UNC13C: variants seen among roughly 807,000 people sequenced by gnomAD.
The protein encoded by UNC13C is unc-13 homolog C.
Under a neutral mutation model 245.4 loss-of-function variants are expected in UNC13C, and 174 were observed. That is an observed-to-expected ratio of 0.71 (90% CI 0.63 to 0.80). UNC13C has a LOEUF of 0.80. UNC13C is among the 30% of genes least tolerant of loss of function. UNC13C has a pLI of 0.00. For synonymous variants in UNC13C, 992 were observed against 895.1 expected (o/e 1.11, Z -1.93); for missense variants, 2,829 against 2,602.9 (o/e 1.09, Z -1.89).
chr15:54,428,198 T>C (rs1479586906), intron 19 of UNC13C, among the ~76,000 whole-genome samples: 1 of 151,808 alleles, frequency 6.6e-6, no homozygotes, highest in Non-Finnish European at 1.5e-5. Flanking sequence ...TGTTTCTTTG[T>C]TTTGATCTGA....
chr15:54,170,662 C>T (rs546493687), intron 4 of UNC13C, among the ~76,000 whole-genome samples: 21 of 151,950 alleles, frequency 1.4e-4, no homozygotes, highest in Non-Finnish European at 2.6e-4. Flanking sequence ...ACATCCTGTA[C>T]TTTAAGCTAT....
chr15:54,515,530 G>C (rs1294037466), intron 24 of UNC13C, among the ~76,000 whole-genome samples: 1 of 151,966 alleles, frequency 6.6e-6, no homozygotes. Flanking sequence ...AATATATACA[G>C]GTATATGAAA....
the UNC13C span, among the ~76,000 whole-genome samples, chr15:53,892,735 G>C: frequency 6.6e-6 from 1 of 152,040 alleles, no homozygotes; most frequent in African/African-American, 2.4e-5. Flanking sequence ...GGTCATTTAT[G>C]TTCTCTAAAC....
chr15:54,392,091 GT>G (rs541173960), intron 17 of UNC13C, among the ~76,000 whole-genome samples: 4 of 151,996 alleles, frequency 2.6e-5, no homozygotes, highest in Admixed American at 6.6e-5. Context: ...CTTGTAAAGG[GT>G]TTAGCAAAAC....
At chr15:53,967,330 TG>T in the UNC13C span, among the ~76,000 whole-genome samples, 41 of 52,538 alleles carry the variant, frequency 7.8e-4, no homozygotes, top group African/African-American at 1.9e-3. Context: ...ATTTTTTTTT[TG>T]TTGTTTTGTT....
chr15:54,166,801 C>T (rs72746100), intron 4 of UNC13C, among the ~76,000 whole-genome samples: 6,880 of 152,014 alleles, frequency 0.045, 190 homozygotes, highest in Middle Eastern at 0.099. Flanking sequence ...GTTCTGCAGC[C>T]TAAAAAACAG....
intron 2 of UNC13C, among the ~76,000 whole-genome samples, chr15:54,139,313 C>T (rs1449897373): frequency 6.6e-6 from 1 of 152,000 alleles, no homozygotes; most frequent in East Asian, 1.9e-4. Flanking sequence ...GTCCACCCTG[C>T]TCTAGTATGG....
chr15:54,339,558 G>C (rs555887239), intron 17 of UNC13C, among the ~76,000 whole-genome samples: 15 of 151,922 alleles, frequency 9.9e-5, no homozygotes, highest in Non-Finnish European at 1.6e-4. Context: ...TAGAATAATA[G>C]TCTTCAGTTC....
At chr15:54,251,168 C>A (rs1480864479) in intron 8 of UNC13C, among the ~76,000 whole-genome samples, 2 of 152,154 alleles carry the variant, frequency 1.3e-5, no homozygotes, top group Non-Finnish European at 2.9e-5. Flanking sequence ...TTTACAGCAA[C>A]TGGAATTCTT....
At chr15:54,327,741 G>C (rs192913996) in intron 14 of UNC13C, among the ~76,000 whole-genome samples, 1 of 152,028 alleles carries the variant, frequency 6.6e-6, no homozygotes, top group South Asian at 2.1e-4. Context: ...TTTTGAGTCT[G>C]TAATTTTTTC....
intron 28 of UNC13C, among the ~76,000 whole-genome samples, chr15:54,554,601 A>G (rs1897018221): frequency 2.0e-5 from 3 of 152,060 alleles, no homozygotes; most frequent in Admixed American, 2.0e-4. Flanking sequence ...TCCCTGTATT[A>G]AACAATATAT....
chr15:53,988,451 A>G (rs985071834), intron 1 of UNC13C, among the ~76,000 whole-genome samples: 2 of 151,936 alleles, frequency 1.3e-5, no homozygotes, highest in Admixed American at 6.6e-5. Context: ...TTTGTTATTT[A>G]AGAAGCCTTT....
chr15:54,069,650 C>T (rs571118536), intron 2 of UNC13C, among the ~76,000 whole-genome samples: 2 of 152,138 alleles, frequency 1.3e-5, no homozygotes, highest in South Asian at 2.1e-4. Context: ...AGAGGTACTT[C>T]GATTGCTTAA....
chr15:54,391,383 C>T (rs2039953336), intron 17 of UNC13C, among the ~76,000 whole-genome samples: 1 of 151,892 alleles, frequency 6.6e-6, no homozygotes, highest in African/African-American at 2.4e-5. Flanking sequence ...CAAATAATTA[C>T]ATTATAGTAG....
the UNC13C span, among the ~76,000 whole-genome samples, chr15:53,852,923 A>G: frequency 1.3e-5 from 2 of 152,124 alleles, no homozygotes; most frequent in East Asian, 3.9e-4. Context: ...GAAAATTGCT[A>G]CAGAATTAAT....
At chr15:54,443,006 A>G (rs1392928586) in intron 19 of UNC13C, among the ~76,000 whole-genome samples, 1 of 151,934 alleles carries the variant, frequency 6.6e-6, no homozygotes, top group Non-Finnish European at 1.5e-5. Flanking sequence ...ATTCTTCTTT[A>G]TATATTTGCT....
At chr15:53,959,424 C>T in the UNC13C span, among the ~76,000 whole-genome samples, 1 of 152,096 alleles carries the variant, frequency 6.6e-6, no homozygotes, top group Non-Finnish European at 1.5e-5. Flanking sequence ...TATAAGACTT[C>T]TCCTTTCTCC....
chr15:54,597,315 G>A (rs1275524363), intron 30 of UNC13C, among the ~76,000 whole-genome samples: 2 of 152,182 alleles, frequency 1.3e-5, no homozygotes, highest in African/African-American at 2.4e-5. Flanking sequence ...AGAGCCAAGG[G>A]CAATAGCAGC....
At chr15:54,188,441 A>G (rs2141319755) in intron 4 of UNC13C, among the ~76,000 whole-genome samples, 1 of 152,300 alleles carries the variant, frequency 6.6e-6, no homozygotes, top group Admixed American at 6.5e-5. Flanking sequence ...TTAATTGAAT[A>G]ATTACATACA....
Sources: gnomAD v4.1 joint callset for allele counts (sites outside exome capture counted in the v4.1 genomes callset) on GRCh38, gnomAD v4.1.1 for gene constraint, MANE v1.5 for transcripts, NCBI Gene and HGNC (gene_info 2026-07-23, HGNC 2026-07-21) for gene names.